PCDHA3: variants seen among roughly 807,000 people sequenced by gnomAD.
PCDHA3 encodes the protein protocadherin alpha 3.
Under a neutral mutation model 62.2 loss-of-function variants are expected in PCDHA3, and 41 were observed. The ratio of observed to expected loss-of-function variants is 0.66; its 90% CI spans 0.51 to 0.86. The LOEUF is 0.86. Among genes scored for constraint, PCDHA3 ranks in the 40% least tolerant of loss-of-function variants. PCDHA3 has a pLI of 0.00. For synonymous variants in PCDHA3, 640 were observed against 555.4 expected, an observed-to-expected ratio of 1.15 and a Z score of -2.14; for missense variants, 1,304 against 1,241.2, an observed-to-expected ratio of 1.05 and a Z score of -0.76.
intron 1 of PCDHA3, chr5:140,858,710 T>C (rs2150436389): frequency 5.6e-6 from 3 of 537,418 alleles, no homozygotes; most frequent in South Asian, 5.1e-5. Flanking sequence ...ATATGTGATA[T>C]AGGTTGCAGT....
intron 1 of PCDHA3, chr5:140,882,497 G>A (rs1554174299): frequency 6.2e-7 from 1 of 1,614,140 alleles, no homozygotes; most frequent in South Asian, 1.1e-5. Context: ...CCTTCTGGAG[G>A]TAAATCTGCA....
At chr5:140,815,583 T>A (rs1203023917) in intron 1 of PCDHA3, 2 of 152,166 alleles carry the variant, frequency 1.3e-5, no homozygotes, top group African/African-American at 2.4e-5. Flanking sequence ...AATCAGATTT[T>A]AAAATATCAG....
At chr5:140,954,692 C>T (rs1428031536) in intron 1 of PCDHA3, among the ~76,000 whole-genome samples, 10 of 151,966 alleles carry the variant, frequency 6.6e-5, no homozygotes, top group African/African-American at 2.4e-4. Flanking sequence ...GATGGATAGA[C>T]TACAAAATTT....
chr5:140,918,234 T>G (rs1188816850), intron 1 of PCDHA3, among the ~76,000 whole-genome samples: 1 of 152,210 alleles, frequency 6.6e-6, no homozygotes, highest in Non-Finnish European at 1.5e-5. Context: ...TTTTGTACAT[T>G]GATTTTGTAT....
chr5:140,811,120 T>C (rs1764796330), intron 1 of PCDHA3: 1 of 152,238 alleles, frequency 6.6e-6, no homozygotes, highest in South Asian at 2.1e-4. Flanking sequence ...CAACTCATCA[T>C]TTACATTAGG....
chr5:140,881,587 GAAAT>G (rs2058760366), intron 1 of PCDHA3, among the ~76,000 whole-genome samples: 1 of 152,186 alleles, frequency 6.6e-6, no homozygotes, highest in Non-Finnish European at 1.5e-5. Context: ...CACATTGAGG[GAAAT>G]TTATTAATAT....
At chr5:140,870,014 A>G (rs782103858) in intron 1 of PCDHA3, 3 of 1,613,612 alleles carry the variant, frequency 1.9e-6, no homozygotes, top group Non-Finnish European at 2.5e-6. Flanking sequence ...GTGAGGGTCA[A>G]TGGAACTTTA....
rs1455444799 is a variant in PCDHA3, at chr5:140,876,953, T to C, written c.2394+73362T>C. On this transcript the variant is annotated intron_variant, in intron 1 of 3. Coordinates refer to ENST00000522353, the MANE Select transcript of PCDHA3 (RefSeq NM_018906.3). ...AAGAACGCGCTGGTGTCCTACTCGCTGGTGGAGCGGCGGGTGGGCGAGCAC... is the reference window on the plus strand; with the variant it reads ...AAGAACGCGCTGGTGTCCTACTCGCCGGTGGAGCGGCGGGTGGGCGAGCAC... The C allele has an allele frequency of 1.1e-5, 17 of 1,613,306 alleles. No homozygotes were observed. Among genetic ancestry groups the C allele is most frequent in the Non-Finnish European group, 1.4e-5 (17 of 1,179,866 alleles).
intron 1 of PCDHA3, chr5:140,869,302 G>C (rs985203011): frequency 6.2e-7 from 1 of 1,613,642 alleles, no homozygotes; most frequent in Admixed American, 1.7e-5. Context: ...GTTCCGGGTG[G>C]CGTCCAAAAC....
chr5:140,859,907 T>G (rs982789282), intron 1 of PCDHA3: 3 of 150,386 alleles, frequency 2.0e-5, no homozygotes, highest in African/African-American at 5.0e-5. Context: ...CCTTAATGTC[T>G]TATATTATAA....
intron 1 of PCDHA3, among the ~76,000 whole-genome samples, chr5:140,818,937 A>G (rs1160435477): frequency 4.6e-5 from 7 of 152,228 alleles, no homozygotes; most frequent in Middle Eastern, 3.2e-3. Flanking sequence ...ATTATTTGAC[A>G]TGAACATTGA....
intron 1 of PCDHA3, among the ~76,000 whole-genome samples, chr5:140,956,457 G>T (rs1197742299): frequency 2.0e-5 from 3 of 152,184 alleles, no homozygotes; most frequent in African/African-American, 7.2e-5. Flanking sequence ...TACATTTATT[G>T]ATTTGCATAT....
chr5:140,935,605 T>C (rs1554210594), intron 1 of PCDHA3, among the ~76,000 whole-genome samples: 4 of 152,228 alleles, frequency 2.6e-5, no homozygotes. Flanking sequence ...AGAGCTAGGC[T>C]TTTTTCAAGT....
At chr5:140,968,029 GGT>G in intron 1 of PCDHA3, 1 of 1,614,170 alleles carries the variant, frequency 6.2e-7, no homozygotes, top group African/African-American at 1.3e-5. Context: ...CCTATACACT[GGT>G]GGTGAGCGGC....
At chr5:141,008,428 T>C (rs2098376052) in intron 3 of PCDHA3, among the ~76,000 whole-genome samples, 1 of 152,182 alleles carries the variant, frequency 6.6e-6, no homozygotes, top group Admixed American at 6.5e-5. Flanking sequence ...TGGGATCACT[T>C]TGCCCAGACA....
chr5:140,979,383 T>C (rs2096847136), intron 2 of PCDHA3, among the ~76,000 whole-genome samples: 1 of 152,220 alleles, frequency 6.6e-6, no homozygotes, highest in Admixed American at 6.5e-5. Context: ...CATTGTGCAA[T>C]GTATACATAC....
chr5:140,959,532 T>C (rs919329459), intron 1 of PCDHA3, among the ~76,000 whole-genome samples: 1 of 152,198 alleles, frequency 6.6e-6, no homozygotes, highest in Admixed American at 6.5e-5. Context: ...GACCATTAAT[T>C]CAGAGATGCT....
At chr5:140,865,437 T>A (rs951308725) in intron 1 of PCDHA3, 1 of 152,200 alleles carries the variant, frequency 6.6e-6, no homozygotes, top group Non-Finnish European at 1.5e-5. Flanking sequence ...GAAAAATAAC[T>A]TCTGAGAAGA....
At chr5:140,900,079 C>T (rs1289822790) in intron 1 of PCDHA3, among the ~76,000 whole-genome samples, 11 of 152,066 alleles carry the variant, frequency 7.2e-5, no homozygotes, top group East Asian at 3.9e-4. Context: ...AAAAGTGCTG[C>T]AGTTACAAGC....
Sources: allele counts gnomAD v4.1 joint callset (sites outside exome capture counted in the v4.1 genomes callset), GRCh38; gene constraint gnomAD v4.1.1; transcripts MANE v1.5; gene names NCBI Gene and HGNC (gene_info 2026-07-23, HGNC 2026-07-21).